Variants in PCBP3 observed in about 807,000 individuals in gnomAD.
PCBP3 encodes the protein poly(rC) binding protein 3, also known as poly(rC)-binding protein 3.
In PCBP3, 25 loss-of-function variants were observed where a neutral mutation model predicts 52.7. That is an observed-to-expected ratio of 0.47 (90% CI 0.35 to 0.66). The LOEUF (loss-of-function observed/expected upper bound fraction) is 0.66. Ranked by LOEUF, PCBP3 falls within the 30% of genes least tolerant of loss-of-function variation. PCBP3 has a pLI of 0.01. For synonymous variants in PCBP3, 162 were observed against 183.0 expected (o/e 0.89, Z 0.93); for missense variants, 391 against 490.3 (o/e 0.80, Z 1.91).
chr21:45,710,218 A>G (rs527347693), intron 2 of PCBP3, among the ~76,000 whole-genome samples: 2 of 152,264 alleles, frequency 1.3e-5, no homozygotes, highest in African/African-American at 2.4e-5. Flanking sequence ...TTTGTTACAT[A>G]TGTATACATG....
chr21:45,866,726 C>G (rs2148538974), intron 5 of PCBP3, among the ~76,000 whole-genome samples: 1 of 152,256 alleles, frequency 6.6e-6, no homozygotes, highest in East Asian at 1.9e-4. Flanking sequence ...GAAGCCTGTT[C>G]AGAAGCCAGC....
intron 2 of PCBP3, among the ~76,000 whole-genome samples, chr21:45,714,920 C>T (rs1429868535): frequency 2.0e-5 from 3 of 152,174 alleles, no homozygotes; most frequent in African/African-American, 7.2e-5. Context: ...CTAGTGGATG[C>T]CCATGGATAT....
chr21:45,939,948 G>A (rs984178895), intron 16 of PCBP3, 82 bp from the exon 17 acceptor site: 18 of 1,314,910 alleles, frequency 1.4e-5, no homozygotes, highest in East Asian at 2.3e-5. Context: ...CCGTCCCACC[G>A]GCCCCCTCGG....
chr21:45,851,405 G>A (rs1257148539), intron 5 of PCBP3, among the ~76,000 whole-genome samples: 2 of 152,192 alleles, frequency 1.3e-5, no homozygotes, highest in South Asian at 2.1e-4. Flanking sequence ...CCAGCTACTC[G>A]GGAGGCTGAG....
At position 45,800,973 on chromosome 21, in the gene PCBP3, G is replaced by A. The variant is rs1017548988; in HGVS notation, c.-126+45521G>A. 2.6e-5 allele frequency among the ~76,000 whole-genome samples: 4 copies of A among 152,198 alleles called. No individual in the cohort carries two copies. Among genetic ancestry groups the A allele is most frequent in the Non-Finnish European group, 5.9e-5 (4 of 68,032 alleles). On this transcript the variant is annotated intron_variant, in intron 4 of 17. Transcript: ENST00000681687. The surrounding 1 kb of genome is among the most constrained non-coding windows in gnomAD (Gnocchi z 5.3). ...CCGCCTCCTCCAGGACTTGTTGCCCGTTCTGCGTGGCCACCCGTTCTTGCC... is the reference window on the plus strand; with the variant it reads ...CCGCCTCCTCCAGGACTTGTTGCCCATTCTGCGTGGCCACCCGTTCTTGCC...
intron 2 of PCBP3, among the ~76,000 whole-genome samples, chr21:45,701,455 A>G (rs1468761755): frequency 6.6e-6 from 1 of 152,262 alleles, no homozygotes; most frequent in South Asian, 2.1e-4. Context: ...TGATAGTTAC[A>G]TTACTTGAAA....
At chr21:45,646,107 C>CTCTG (rs1555895746) in intron 1 of PCBP3, among the ~76,000 whole-genome samples, 1,060 of 83,808 alleles carry the variant, frequency 0.013, 8 homozygotes, top group East Asian at 0.025. Context: ...CTCTCTCTCT[C>CTCTG]TGTGTGTGTG....
At position 45,837,129 on chromosome 21, in the gene PCBP3, C is replaced by T. The variant is rs940498718; in HGVS notation, c.-125-12832C>T. On this transcript the variant is annotated intron_variant, in intron 4 of 17. Transcript: ENST00000681687. The surrounding 1 kb of genome is among the most constrained non-coding windows in gnomAD (Gnocchi z 4.1). ...CCATGTCAGTTTTTGTTTCAAAGCG[C>T]GGGTACCAATTCCCATCCCCCAGCA... Among the ~76,000 whole-genome samples, 3 of 152,214 alleles carry T rather than the reference C, an allele frequency of 2.0e-5. No individual in the cohort carries two copies. The highest frequency in any genetic ancestry group is 2.9e-5 in the Non-Finnish European group (2 of 68,046).
intron 4 of PCBP3, among the ~76,000 whole-genome samples, chr21:45,758,216 C>G (rs1291823131): frequency 6.6e-6 from 1 of 152,186 alleles, no homozygotes; most frequent in Non-Finnish European, 1.5e-5. Flanking sequence ...TGTTTTGGAT[C>G]CTGGAGATTT....
At chr21:45,874,904 G>T (rs1435717255) in intron 5 of PCBP3, among the ~76,000 whole-genome samples, 1 of 152,154 alleles carries the variant, frequency 6.6e-6, no homozygotes, top group Non-Finnish European at 1.5e-5. Flanking sequence ...CACCAGCTCT[G>T]GAGTGGCCCT....
In PCBP3 at chr21:45,821,112, T is replaced by C. The variant is rs1569269601; in HGVS notation, c.-125-28849T>C. On this transcript the variant is annotated intron_variant, in intron 4 of 17. Transcript: ENST00000681687. The surrounding 1 kb of genome is among the most constrained non-coding windows in gnomAD (Gnocchi z 4.4). ...GCTAACTTGGTACCTTTTCTCTTTT[T>C]AGAGGCAGAATCCTTTCTTGAGAAC... Among the ~76,000 whole-genome samples, 1 of 152,336 alleles carries C rather than the reference T, an allele frequency of 6.6e-6. No homozygotes were observed. Among genetic ancestry groups the C allele is most frequent in the South Asian group, 2.1e-4 (1 of 4,830 alleles).
At chr21:45,902,759 G>A (rs1014062168) in intron 9 of PCBP3, among the ~76,000 whole-genome samples, 1 of 152,252 alleles carries the variant, frequency 6.6e-6, no homozygotes, top group Non-Finnish European at 1.5e-5. Context: ...TCGCTCTGCA[G>A]GTAACATGTG....
At chr21:45,692,363 G>A (rs1382481297) in intron 2 of PCBP3, among the ~76,000 whole-genome samples, 2 of 150,982 alleles carry the variant, frequency 1.3e-5, no homozygotes, top group African/African-American at 4.9e-5. Context: ...AAGATCAACA[G>A]AATCTATGAG....
At chr21:45,866,763 G>C (rs1234404186) in intron 5 of PCBP3, among the ~76,000 whole-genome samples, 1 of 152,100 alleles carries the variant, frequency 6.6e-6, no homozygotes, top group Admixed American at 6.6e-5. Context: ...CCTGCCAGAG[G>C]CTCCAGCACC....
intron 4 of PCBP3, chr21:45,759,677 T>C (rs2088430507): frequency 6.6e-6 from 1 of 152,214 alleles, no homozygotes; most frequent in Non-Finnish European, 1.5e-5. Flanking sequence ...ATATAATTCA[T>C]TGGTTTTCCA....
In PCBP3 at chr21:45,904,593, A is replaced by G. The variant is rs1043828165; in HGVS notation, c.339+3480A>G. On this transcript the variant is annotated intron_variant, in intron 9 of 17. Transcript: ENST00000681687. This position sits in a 1 kb window ranked among gnomAD's most constrained non-coding sequence, Gnocchi z 4.8. ...AATGTATTTCTCAATCACTTCATGT[A>G]AAAGTTGGTATGCTTCAGGTTGGAA... 2.6e-5 allele frequency among the ~76,000 whole-genome samples: 4 copies of G among 152,222 alleles called. No homozygotes were observed. The highest frequency in any genetic ancestry group is 5.9e-5 in the Non-Finnish European group (4 of 68,046).
At chr21:45,776,923 C>A (rs567986199) in intron 4 of PCBP3, among the ~76,000 whole-genome samples, 1 of 152,130 alleles carries the variant, frequency 6.6e-6, no homozygotes, top group African/African-American at 2.4e-5. Flanking sequence ...TTCTTTGTTT[C>A]TTTTTCTCTT....
rs142493786 is a variant in PCBP3, at chr21:45,904,837, G to A, written c.339+3724G>A. 1.9e-3 allele frequency among the ~76,000 whole-genome samples: 286 copies of A among 152,246 alleles called. 1 individual carries two copies. The highest frequency in any genetic ancestry group is 6.5e-3 in the African/African-American group (270 of 41,530). On this transcript the variant is annotated intron_variant, in intron 9 of 17. Coordinates refer to ENST00000681687, the MANE Select transcript of PCBP3 (RefSeq NM_001384156.1). This position sits in a 1 kb window ranked among gnomAD's most constrained non-coding sequence, Gnocchi z 4.8. ...ACCATGTCACGATTGTGCTGGTGAC[G>A]GATACCTGGCCTTAAAAGAACCTCA...
chr21:45,766,163 T>C (rs966838034), intron 4 of PCBP3, among the ~76,000 whole-genome samples: 3 of 152,218 alleles, frequency 2.0e-5, no homozygotes, highest in Non-Finnish European at 2.9e-5. Context: ...CAGCCATCCT[T>C]AGTGAGGCGC....
Sources: gnomAD v4.1 joint callset for allele counts (sites outside exome capture counted in the v4.1 genomes callset) on GRCh38, gnomAD v4.1.1 for gene constraint, Gnocchi (gnomAD v3.1) non-coding constraint, MANE v1.5 for transcripts, NCBI Gene and HGNC (gene_info 2026-07-23, HGNC 2026-07-21) for gene names.